LRCOL1: variants seen among roughly 807,000 people sequenced by gnomAD.
The protein encoded by LRCOL1 is leucine-rich colipase-like protein 1.
In LRCOL1, 21 loss-of-function variants were observed where a neutral mutation model predicts 21.6. That is an observed-to-expected ratio of 0.97 (90% CI 0.69 to 1.40). The LOEUF is 1.40. LRCOL1 is among the 40% of genes most tolerant of loss of function. The pLI is 0.00. For missense variants in LRCOL1, 198 were observed against 202.3 expected (o/e 0.98, Z 0.13); for synonymous variants, 98 against 90.1 (o/e 1.09, Z -0.49).
At chr12:132,603,504 C>T (rs1252808521) in intron 5 of LRCOL1, 100 bp from the exon 6 acceptor site, 1 of 1,534,288 alleles carries the variant, frequency 6.5e-7, no homozygotes. Flanking sequence ...CTCCCGGCAC[C>T]AGCCTCGTGG....
rs975852356 is a variant in LRCOL1 at position 132,603,207 on chromosome 12, G to A, written c.*195C>T. 2 of 759,264 alleles carry A rather than the reference G, an allele frequency of 2.6e-6. No individual in the cohort carries two copies. Among genetic ancestry groups the A allele is most frequent in the Non-Finnish European group, 4.1e-6 (2 of 484,376 alleles). The allele number at this position is 759,264 out of a possible 1,614,324, so 47.0% of individuals were successfully genotyped here. A position where few individuals can be genotyped will look rare whatever the true frequency, so the allele number is the denominator to read the frequency against. On this transcript the variant is annotated 3_prime_UTR_variant, in exon 6 of 6. Transcript: ENST00000376608. Reference sequence around the variant, plus strand: ...ACAATCAGGCTACACCCCAGTGCCTGGGATTTGTTCTCACAGACACTTCGC... The same window carrying A: ...ACAATCAGGCTACACCCCAGTGCCTAGGATTTGTTCTCACAGACACTTCGC...
intron 1 of LRCOL1, among the ~76,000 whole-genome samples, chr12:132,607,063 A>C (rs1473509326): frequency 6.6e-6 from 1 of 152,200 alleles, no homozygotes; most frequent in Admixed American, 6.5e-5. Flanking sequence ...CCAGCCCCGC[A>C]GCAGTGCGGG....
In LRCOL1 at chr12:132,607,641, CTCTCTGTCTCTTTCTG is replaced by C. The variant is rs749273523; in HGVS notation, c.-13-1393_-13-1378del. Among the ~76,000 whole-genome samples the C allele has an allele frequency of 9.9e-4, 151 of 151,892 alleles. 1 individual carries two copies. The highest frequency in any genetic ancestry group is 2.8e-3 in the African/African-American group (115 of 41,394). On this transcript the variant is annotated intron_variant, in intron 1 of 5. Transcript: ENST00000376608. The stretch of plus-strand genomic sequence containing the variant: ...TCTCTGTCTCTCCCTCTGTCTCCCT[CTCTCTGTCTCTTTCTG>C]TCTCTGTCTCTTTCTGTCTCTGTCT...
At position 132,603,396 on chromosome 12, in the gene LRCOL1, C is replaced by T. The variant is rs2041250931; in HGVS notation, c.*6G>A. 6.5e-7 allele frequency: 1 copy of T among 1,536,206 alleles called. No homozygotes were observed. Among genetic ancestry groups the T allele is most frequent in the East Asian group, 2.4e-5 (1 of 40,914 alleles). On this transcript the variant is annotated 3_prime_UTR_variant, in exon 6 of 6. Coordinates refer to ENST00000376608, the MANE Select transcript of LRCOL1 (RefSeq NM_001195520.2). ...CCGGTCCCTCGCGCCCAGGTTCGAG[C>T]TCACATCACTGAAGGAGAAGCCAAA...
chr12:132,609,727 T>C (rs993532719), intron 1 of LRCOL1, among the ~76,000 whole-genome samples: 14 of 152,204 alleles, frequency 9.2e-5, no homozygotes, highest in Admixed American at 8.5e-4. Flanking sequence ...GTCAACTTTA[T>C]GTTAAAGGTA....
rs543832999 is a variant in LRCOL1, at chr12:132,605,645, C to T, written c.105+502G>A. 5.3e-5 allele frequency among the ~76,000 whole-genome samples: 8 copies of T among 152,302 alleles called. No individual in the cohort carries two copies. In the East Asian group the frequency reaches 1.5e-3, roughly 29 times the overall value. On this transcript the variant is annotated intron_variant, in intron 2 of 5. Coordinates refer to ENST00000376608, the MANE Select transcript of LRCOL1 (RefSeq NM_001195520.2). The stretch of plus-strand genomic sequence containing the variant: ...TCGGGAGGCAGAGGCAGGAGAATCG[C>T]CTGAACCCAGAAGGTGAAGGTTGCA...
chr12:132,607,433 A>G (rs2041322753), intron 1 of LRCOL1, among the ~76,000 whole-genome samples: 1 of 152,184 alleles, frequency 6.6e-6, no homozygotes, highest in Admixed American at 6.5e-5. Flanking sequence ...AACAAGATAA[A>G]CCATTCGTTA....
chr12:132,604,259 G>A lies in LRCOL1; in HGVS notation c.472C>T (p.Pro158Ser), dbSNP rs1356558218. The A allele has an allele frequency of 4.6e-6, 7 of 1,533,926 alleles. No individual in the cohort carries two copies. Among genetic ancestry groups the A allele is most frequent in the Non-Finnish European group, 6.1e-6 (7 of 1,145,952 alleles). ...PRTGILAQCL[P>S]L ...AGCCCCCGCCCGGGACTTACCAGGG[G>A]CAGGCACTGGGCCAGGATCCCGGTC... is the stretch of plus-strand genomic sequence containing the variant. The change falls in exon 5 of 6, where the codon CCC becomes TCC. Residue 158 changes from proline to serine, a missense_variant. By Grantham distance (74) the Pro-to-Ser change is moderately conservative. Transcript: ENST00000376608.
chr12:132,604,402 G>T, intron 4 of LRCOL1, 26 bp from the exon 5 acceptor site: 2 of 1,534,452 alleles, frequency 1.3e-6, no homozygotes, highest in Admixed American at 2.0e-5. Flanking sequence ...GGCAGCAGTC[G>T]TGGAGAGGGG....
rs755544945 is a variant in LRCOL1, at chr12:132,606,843, G to T, written c.-13-579C>A. On this transcript the variant is annotated intron_variant, in intron 1 of 5. Coordinates refer to ENST00000376608, the MANE Select transcript of LRCOL1 (RefSeq NM_001195520.2). The surrounding 1 kb of genome is among the most constrained non-coding windows in gnomAD (Gnocchi z 4.6). ...AAGTGCCATTTAAGGTTCCTCTGTG[G>T]CTTTTCGTGGCATAATGACTCATTT... Among the ~76,000 whole-genome samples, 1 of 140,762 alleles carries T rather than the reference G, an allele frequency of 7.1e-6. No homozygotes were observed. The highest frequency in any genetic ancestry group is 1.6e-5 in the Non-Finnish European group (1 of 61,018). 92.3% of individuals were successfully genotyped at this position (140,762 alleles called of 152,430 possible).
rs373556067 is a variant in LRCOL1 at position 132,603,233 on chromosome 12, G to A, written c.*169C>T. On this transcript the variant is annotated 3_prime_UTR_variant, in exon 6 of 6. Transcript: ENST00000376608. ...GGATTTGTTCTCACAGACACTTCGC[G>A]CCACCAGGCTGGTCACAGCCTTTCA... 3.5e-5 allele frequency: 35 copies of A among 997,930 alleles called. 1 individual carries two copies. The highest frequency in any genetic ancestry group is 6.6e-5 in the South Asian group (4 of 60,938). The allele number at this position is 997,930 out of a possible 1,614,324, so 61.8% of individuals were successfully genotyped here.
intron 5 of LRCOL1, chr12:132,603,655 G>A (rs1477852294): frequency 1.3e-6 from 1 of 751,236 alleles, no homozygotes; most frequent in Non-Finnish European, 1.6e-6. Flanking sequence ...TGGTACCCGA[G>A]GGCTGTGAAC....
At chr12:132,609,452 A>G (rs1401685356) in intron 1 of LRCOL1, among the ~76,000 whole-genome samples, 1 of 152,216 alleles carries the variant, frequency 6.6e-6, no homozygotes, top group African/African-American at 2.4e-5. Context: ...TAATCCCAGC[A>G]CTTTGGGAGG....
chr12:132,604,449 G>A lies in LRCOL1; in HGVS notation c.354+13C>T. 2.6e-6 allele frequency: 4 copies of A among 1,528,772 alleles called. No individual in the cohort carries two copies. The Middle Eastern group carries it at 6.7e-4, about 256-fold the overall frequency. 94.7% of individuals were successfully genotyped at this position (1,528,772 alleles called of 1,614,324 possible). A position where few individuals can be genotyped will look rare whatever the true frequency, so the allele number is the denominator to read the frequency against. On this transcript the variant is annotated intron_variant, in intron 4 of 5. Transcript: ENST00000376608. ...TACCCCTGCTCCATCTGCCCCGGGT[G>A]CCCGCAGCTCACCTTGCGCCAGGGC...
chr12:132,603,808 G>GC, intron 5 of LRCOL1: 2 of 985,420 alleles, frequency 2.0e-6, no homozygotes, highest in Non-Finnish European at 2.4e-6. Flanking sequence ...CAGAGCGGGA[G>GC]CCTGCACCGA....
intron 1 of LRCOL1, among the ~76,000 whole-genome samples, chr12:132,607,299 G>A (rs1277498711): frequency 6.6e-6 from 1 of 152,276 alleles, no homozygotes; most frequent in East Asian, 1.9e-4. Flanking sequence ...GGAAAACCCA[G>A]TAGACTCCAC....
chr12:132,603,302 G>T lies in LRCOL1; in HGVS notation c.*100C>A. The T allele has an allele frequency of 1.3e-6, 2 of 1,500,962 alleles. No individual in the cohort carries two copies. The highest frequency in any genetic ancestry group is 1.8e-6 in the Non-Finnish European group (2 of 1,116,456). 93.0% of individuals were successfully genotyped at this position (1,500,962 alleles called of 1,614,324 possible). A position where few individuals can be genotyped will look rare whatever the true frequency, so the allele number is the denominator to read the frequency against. Reference sequence around the variant, plus strand: ...AGCCCCAGAAACAGCAGCACAAACCGTAAGGGAAGCTTCCGCTGGAACCAG... The same window carrying T: ...AGCCCCAGAAACAGCAGCACAAACCTTAAGGGAAGCTTCCGCTGGAACCAG... On this transcript the variant is annotated 3_prime_UTR_variant, in exon 6 of 6. Transcript: ENST00000376608.
chr12:132,604,222 G>T (rs1322925122), intron 5 of LRCOL1, 32 bp downstream of exon 5: 4 of 1,513,312 alleles, frequency 2.6e-6, no homozygotes, highest in Middle Eastern at 1.9e-4. Context: ...CCAAGGGAGG[G>T]CCTGGAGGCT....
At position 132,607,067 on chromosome 12, in the gene LRCOL1, G is replaced by A. The variant is rs190561967; in HGVS notation, c.-13-803C>T. 1.2e-4 allele frequency among the ~76,000 whole-genome samples: 19 copies of A among 152,356 alleles called. 1 individual carries two copies. The East Asian group carries it at 3.7e-3, about 29-fold the overall frequency. ...GCCCTTGCTGCCCAGCCCCGCAGCA[G>A]TGCGGGCATCAGATGAAGCAGCGGC... On this transcript the variant is annotated intron_variant, in intron 1 of 5. Coordinates refer to ENST00000376608, the MANE Select transcript of LRCOL1 (RefSeq NM_001195520.2).
Sources: allele counts gnomAD v4.1 joint callset (sites outside exome capture counted in the v4.1 genomes callset), GRCh38; gene constraint gnomAD v4.1.1; non-coding constraint Gnocchi (gnomAD v3.1); transcripts MANE v1.5; gene names NCBI Gene and HGNC (gene_info 2026-07-23, HGNC 2026-07-21).